Variants in LPAR1 observed in about 807,000 individuals in gnomAD.
The protein encoded by LPAR1 is lysophosphatidic acid receptor 1.
Under a neutral mutation model 23.8 loss-of-function variants are expected in LPAR1, and 5 were observed. The observed-to-expected ratio is 0.21, with a 90% CI of 0.11 to 0.44. The LOEUF is 0.44. Ranked by LOEUF, LPAR1 falls within the 20% of genes least tolerant of loss-of-function variation. LPAR1 has a pLI of 0.99. For missense variants in LPAR1, 311 were observed against 482.8 expected (o/e 0.64, Z 3.33); for synonymous variants, 160 against 164.7 (o/e 0.97, Z 0.22).
chr9:110,881,116 T>C (rs12555590), intron 5 of LPAR1, among the ~76,000 whole-genome samples: 24,865 of 152,216 alleles, frequency 0.16, 2,533 homozygotes, highest in East Asian at 0.23. Context: ...ATTGAAACTA[T>C]ATAATTTACC....
In LPAR1 at chr9:111,007,911, C is replaced by T. The variant is rs2097253166; in HGVS notation, c.-182+28211G>A. On this transcript the variant is annotated intron_variant, in intron 2 of 5. Coordinates refer to ENST00000683809, the MANE Select transcript of LPAR1 (RefSeq NM_001351411.2). Reference sequence around the variant, plus strand: ...TTAAGATGCCGAGCGCGGTGGCTCACACCTGTAATCCCAGCATTTTGGGAG... The same window carrying T: ...TTAAGATGCCGAGCGCGGTGGCTCATACCTGTAATCCCAGCATTTTGGGAG... 3.3e-5 allele frequency among the ~76,000 whole-genome samples: 5 copies of T among 152,160 alleles called. No homozygotes were observed. In the South Asian group the frequency reaches 1.0e-3, roughly 32 times the overall value.
intron 4 of LPAR1, among the ~76,000 whole-genome samples, chr9:110,971,064 G>A (rs1377237000): frequency 1.3e-5 from 2 of 152,182 alleles, no homozygotes; most frequent in Non-Finnish European, 2.9e-5. Flanking sequence ...GAACCCAGGA[G>A]GTGGAGATTG....
At chr9:110,984,779 A>G (rs946325976) in intron 2 of LPAR1, among the ~76,000 whole-genome samples, 8 of 151,486 alleles carry the variant, frequency 5.3e-5, no homozygotes, top group African/African-American at 1.9e-4. Context: ...GACAAAAAAA[A>G]AAGAATGCAG....
At chr9:111,027,578 T>C (rs890787547) in intron 2 of LPAR1, among the ~76,000 whole-genome samples, 3 of 151,832 alleles carry the variant, frequency 2.0e-5, no homozygotes, top group Non-Finnish European at 4.4e-5. Flanking sequence ...CCTGTCCTCA[T>C]CTAAGAAGTC....
intron 5 of LPAR1, among the ~76,000 whole-genome samples, chr9:110,902,624 C>T (rs1387802190): frequency 3.3e-5 from 5 of 152,086 alleles, no homozygotes; most frequent in Non-Finnish European, 7.4e-5. Context: ...GAGACTAATA[C>T]ACCTGCTGAC....
intron 2 of LPAR1, among the ~76,000 whole-genome samples, chr9:111,023,513 G>A: frequency 6.6e-6 from 1 of 151,592 alleles, no homozygotes; most frequent in East Asian, 1.9e-4. Context: ...TATACATTTG[G>A]ATGTTTTTTT....
At chr9:110,998,336 TTAAATAAA>T (rs1298009881) in intron 2 of LPAR1, among the ~76,000 whole-genome samples, 1 of 152,196 alleles carries the variant, frequency 6.6e-6, no homozygotes, top group Admixed American at 6.6e-5. Context: ...TGGAATTTTA[TTAAATAAA>T]TAAATAAATT....
chr9:110,891,524 G>A (rs1011903710), intron 5 of LPAR1, among the ~76,000 whole-genome samples: 9 of 152,254 alleles, frequency 5.9e-5, no homozygotes, highest in Non-Finnish European at 1.0e-4. Context: ...GAGGATAAAC[G>A]AGATTAGTGG....
At chr9:110,885,212 A>C (rs1236754563) in intron 5 of LPAR1, among the ~76,000 whole-genome samples, 2 of 152,200 alleles carry the variant, frequency 1.3e-5, no homozygotes, top group African/African-American at 2.4e-5. Flanking sequence ...CTATACTATC[A>C]CTGTTTCCAT....
intron 4 of LPAR1, among the ~76,000 whole-genome samples, chr9:110,949,268 G>T (rs1356749046): frequency 6.6e-6 from 1 of 151,860 alleles, no homozygotes; most frequent in African/African-American, 2.4e-5. Context: ...CTTCCAAAAG[G>T]AAAAAAACAC....
intron 4 of LPAR1, among the ~76,000 whole-genome samples, chr9:110,968,593 AC>A (rs1272066327): frequency 1.2e-4 from 19 of 152,242 alleles, no homozygotes; most frequent in African/African-American, 4.6e-4. Flanking sequence ...TTGGGTCTCC[AC>A]TTTCCTCCCA....
At chr9:111,024,381 A>G (rs1014256024) in intron 2 of LPAR1, among the ~76,000 whole-genome samples, 1 of 148,042 alleles carries the variant, frequency 6.8e-6, no homozygotes. Flanking sequence ...ATATATACAT[A>G]TTTTTATATA....
At chr9:110,998,030 C>T (rs1311990034) in intron 2 of LPAR1, among the ~76,000 whole-genome samples, 1 of 152,108 alleles carries the variant, frequency 6.6e-6, no homozygotes, top group African/African-American at 2.4e-5. Context: ...ATGTATGAGC[C>T]CCACCCCACT....
rs143947222 is a variant in LPAR1 at position 110,883,339 on chromosome 9, A to G, written c.794-7617T>C. Among the ~76,000 whole-genome samples the G allele has an allele frequency of 1.7e-4, 26 of 152,274 alleles. No homozygotes were observed. The East Asian group carries it at 5.0e-3, about 29-fold the overall frequency. ...CCATGAGCCACCGTGCCCGGCCTAT[A>G]TCTTGAATTTTTTAAAGTACGTTTT... is the stretch of plus-strand genomic sequence containing the variant. On this transcript the variant is annotated intron_variant, in intron 5 of 5. Coordinates refer to ENST00000683809, the MANE Select transcript of LPAR1 (RefSeq NM_001351411.2).
chr9:110,920,889 G>A (rs1275430777), intron 5 of LPAR1, among the ~76,000 whole-genome samples: 2 of 152,182 alleles, frequency 1.3e-5, no homozygotes, highest in African/African-American at 4.8e-5. Context: ...TTGGGAGACT[G>A]ATGTGGGAGG....
intron 5 of LPAR1, among the ~76,000 whole-genome samples, chr9:110,932,473 G>A (rs1165947924): frequency 1.3e-5 from 2 of 152,236 alleles, no homozygotes; most frequent in East Asian, 1.9e-4. Context: ...CCAGCCATTC[G>A]TCATTTCTTC....
At chr9:111,037,604 G>T (rs2097917021) in intron 1 of LPAR1, among the ~76,000 whole-genome samples, 2 of 152,226 alleles carry the variant, frequency 1.3e-5, no homozygotes, top group Admixed American at 1.3e-4. Flanking sequence ...TTAGGCGGCT[G>T]GACAGAAACT....
intron 5 of LPAR1, among the ~76,000 whole-genome samples, chr9:110,938,996 C>T (rs1005470263): frequency 6.6e-6 from 1 of 152,208 alleles, no homozygotes; most frequent in Non-Finnish European, 1.5e-5. Context: ...TGGCTGTACA[C>T]TGTTACGCTA....
In LPAR1 at chr9:110,892,826, A is replaced by AAGGCAGGCAGGCAGGCAGGC. The variant is rs1167070374; in HGVS notation, c.794-17124_794-17105dup. On this transcript the variant is annotated intron_variant, in intron 5 of 5. Coordinates refer to ENST00000683809, the MANE Select transcript of LPAR1 (RefSeq NM_001351411.2). ...GAAGGAAGGAAGGAAGGAAGGAAGG[A>AAGGCAGGCAGGCAGGCAGGC]AGGCAGGCAGGCAGGCAGGCAGGCA... 1.7e-3 allele frequency among the ~76,000 whole-genome samples: 110 copies of AAGGCAGGCAGGCAGGCAGGC among 65,412 alleles called. 2 individuals carry two copies. Among genetic ancestry groups the AAGGCAGGCAGGCAGGCAGGC allele is most frequent in the South Asian group, 5.2e-3 (8 of 1,552 alleles). The allele number at this position is 65,412 out of a possible 152,430, so 42.9% of individuals were successfully genotyped here. A position where few individuals can be genotyped will look rare whatever the true frequency, so the allele number is the denominator to read the frequency against.
Sources: allele counts gnomAD v4.1 joint callset (sites outside exome capture counted in the v4.1 genomes callset), GRCh38; gene constraint gnomAD v4.1.1; transcripts MANE v1.5; gene names NCBI Gene and HGNC (gene_info 2026-07-23, HGNC 2026-07-21).